The following SVEP1 variants were observed in gnomAD, a reference collection of about 807,000 sequenced individuals.
SVEP1 encodes sushi, von Willebrand factor type A, EGF and pentraxin domain-containing protein 1.
In SVEP1, 164 loss-of-function variants were observed where a neutral mutation model predicts 367.3. The ratio of observed to expected loss-of-function variants is 0.45; its 90% confidence interval spans 0.39 to 0.51. The LOEUF (loss-of-function observed/expected upper bound fraction) is 0.51. Among genes scored for constraint, SVEP1 ranks in the 20% least tolerant of loss-of-function variants. The probability of loss-of-function intolerance (pLI) is 0.00; values close to 1 mark genes in which losing one functional copy is unlikely to be tolerated. For synonymous variants in SVEP1, 1,666 were observed against 1,611.6 expected, an observed-to-expected ratio of 1.03 and a Z score of -0.81; for missense variants, 4,117 against 4,425.3, an observed-to-expected ratio of 0.93 and a Z score of 1.98.
At chr9:110,530,637 A>G (rs914778340) in intron 3 of SVEP1, among the ~76,000 whole-genome samples, 2 of 152,056 alleles carry the variant, frequency 1.3e-5, no homozygotes, top group East Asian at 1.9e-4. Flanking sequence ...CCTGGGTTCA[A>G]GTGATTCTCC....
In SVEP1 at chr9:110,407,647, A is replaced by C; in HGVS notation, c.7953T>G (p.Pro2651=). ...TTTTAGCCACTGCTCCCAAATGATA[A>C]GGAGGGTGAGGAGTCACATATGGAA... ...MEVPYVTPHP[P]YHLGAVAKTW... is the part of the protein sequence containing the mutation. Residue 2651 remains proline (P), a synonymous_variant, in exon 38 of 48, where the codon CCT becomes CCG. Transcript: ENST00000374469. The C allele has an allele frequency of 6.2e-7, 1 of 1,614,016 alleles. No homozygotes were observed. Among genetic ancestry groups the C allele is most frequent in the South Asian group, 1.1e-5 (1 of 91,078 alleles).
intron 1 of SVEP1, among the ~76,000 whole-genome samples, chr9:110,559,745 T>G (rs1830400793): frequency 6.6e-6 from 1 of 152,018 alleles, no homozygotes; most frequent in East Asian, 1.9e-4. Flanking sequence ...CACAAAATGA[T>G]CAAAAGGATG....
rs752314933 is a variant in SVEP1, at chr9:110,469,022, T to C, written c.3078A>G (p.Glu1026=). Residue 1026 remains glutamate (E), a synonymous_variant, in exon 17 of 48, where the codon GAA becomes GAG. Transcript: ENST00000374469. ...AAAGCTTGCACTCAAGTTGCCCTTC[T>C]TCATCTTGATAGGATCCGATCCGGC... is the stretch of plus-strand genomic sequence containing the variant. ...ESCRIGSYQD[E]EGQLECKLCP... is the part of the protein sequence containing the mutation. 3.1e-6 allele frequency: 5 copies of C among 1,613,816 alleles called. No homozygotes were observed. Among genetic ancestry groups the C allele is most frequent in the East Asian group, 4.5e-5 (2 of 44,890 alleles).
chr9:110,454,611 C>A (rs769990302), intron 22 of SVEP1, among the ~76,000 whole-genome samples: 1 of 152,122 alleles, frequency 6.6e-6, no homozygotes, highest in Non-Finnish European at 1.5e-5. Context: ...TATACATCAT[C>A]GAATATTATG....
chr9:110,405,371 A>G (rs1002878704), intron 38 of SVEP1, among the ~76,000 whole-genome samples: 7 of 151,850 alleles, frequency 4.6e-5, no homozygotes, highest in Non-Finnish European at 7.4e-5. Flanking sequence ...ATTCATATGT[A>G]TTATGAATAC....
intron 3 of SVEP1, among the ~76,000 whole-genome samples, chr9:110,528,168 A>ATATATATATG (rs1829969841): frequency 2.4e-5 from 3 of 126,868 alleles, no homozygotes; most frequent in Admixed American, 1.6e-4. Flanking sequence ...ATATATATAT[A>ATATATATATG]TATATATATA....
chr9:110,540,645 T>C (rs1830133042), intron 3 of SVEP1, among the ~76,000 whole-genome samples: 3 of 152,126 alleles, frequency 2.0e-5, no homozygotes, highest in African/African-American at 4.8e-5. Flanking sequence ...AACTAATTCA[T>C]TGAAGTTTTG....
chr9:110,565,251 A>G (rs916809083), intron 1 of SVEP1, among the ~76,000 whole-genome samples: 2 of 152,228 alleles, frequency 1.3e-5, no homozygotes, highest in East Asian at 1.9e-4. Context: ...TAGCTGGAAG[A>G]CCAAGTCTTG....
intron 41 of SVEP1, among the ~76,000 whole-genome samples, chr9:110,388,634 C>T (rs1392085817): frequency 3.3e-5 from 5 of 152,046 alleles, no homozygotes; most frequent in Admixed American, 1.3e-4. Flanking sequence ...CAGATCTTAA[C>T]CTTGGCTGCA....
At chr9:110,481,219 T>C (rs774165026) in intron 12 of SVEP1, 23 bp downstream of exon 12, 296 of 1,463,940 alleles carry the variant, frequency 2.0e-4, no homozygotes, top group Middle Eastern at 1.1e-3. Context: ...ATTAAAGAAG[T>C]CTAGAATAAA....
intron 43 of SVEP1, among the ~76,000 whole-genome samples, chr9:110,381,497 G>A (rs1201665891): frequency 1.3e-5 from 2 of 152,110 alleles, no homozygotes; most frequent in African/African-American, 4.8e-5. Context: ...ACGTAGTTGT[G>A]TGGTTTTGAG....
chr9:110,370,533 G>C (rs1241133013), intron 46 of SVEP1, among the ~76,000 whole-genome samples: 3 of 152,114 alleles, frequency 2.0e-5, no homozygotes, highest in African/African-American at 7.2e-5. Flanking sequence ...TAAAATAACA[G>C]ATGATTCAAC....
intron 36 of SVEP1, among the ~76,000 whole-genome samples, chr9:110,414,769 C>T: frequency 6.6e-6 from 1 of 151,646 alleles, no homozygotes; most frequent in East Asian, 1.9e-4. Flanking sequence ...GCAAAAAAGC[C>T]TTAAAAGAGC....
chr9:110,458,630 A>G (rs1303752130), intron 19 of SVEP1, 68 bp from the exon 20 acceptor site: 3 of 1,424,308 alleles, frequency 2.1e-6, no homozygotes, highest in South Asian at 1.3e-5. Context: ...ATCTAACACT[A>G]TGGTCAAGAT....
chr9:110,439,524 G>T (rs1036426176), intron 27 of SVEP1, among the ~76,000 whole-genome samples: 1 of 151,934 alleles, frequency 6.6e-6, no homozygotes, highest in African/African-American at 2.4e-5. Flanking sequence ...CTCCCGAGTA[G>T]CTGGGATTAC....
At chr9:110,568,143 C>A (rs1359361934) in intron 1 of SVEP1, among the ~76,000 whole-genome samples, 1 of 152,178 alleles carries the variant, frequency 6.6e-6, no homozygotes, top group Non-Finnish European at 1.5e-5. Context: ...AGGACCACCT[C>A]CCAGATAAGC....
rs1830670581 is a variant in SVEP1, at chr9:110,579,641, T to C, written c.-98A>G. 3 of 1,374,620 alleles carry C rather than the reference T, an allele frequency of 2.2e-6. No individual in the cohort carries two copies. The highest frequency in any genetic ancestry group is 2.8e-6 in the Non-Finnish European group (3 of 1,059,888). The allele number at this position is 1,374,620 out of a possible 1,614,324, so 85.2% of individuals were successfully genotyped here. A position where few individuals can be genotyped will look rare whatever the true frequency, so the allele number is the denominator to read the frequency against. ...ACTCGCAGAGGGGCGTGCGCGGAGC[T>C]GGGCGCGGGGCAGCGGCCAAGAGCC... On this transcript the variant is annotated 5_prime_UTR_variant, in exon 1 of 48. Coordinates refer to ENST00000374469, the MANE Select transcript of SVEP1 (RefSeq NM_153366.4). The surrounding 1 kb of genome is among the most constrained non-coding windows in gnomAD (Gnocchi z 5.3).
intron 43 of SVEP1, among the ~76,000 whole-genome samples, chr9:110,381,562 G>T (rs574467179): frequency 6.6e-6 from 1 of 152,296 alleles, no homozygotes; most frequent in South Asian, 2.1e-4. Context: ...GAGAATGTTT[G>T]TTATGATTTC....
intron 5 of SVEP1, among the ~76,000 whole-genome samples, chr9:110,508,780 AAAAG>A (rs1205634811): frequency 7.0e-6 from 1 of 143,616 alleles, no homozygotes; most frequent in Admixed American, 7.1e-5. Flanking sequence ...AAAAAAAAAA[AAAAG>A]AAAGAAAGAA....
Sources: gnomAD v4.1 joint callset for allele counts (sites outside exome capture counted in the v4.1 genomes callset) on GRCh38, gnomAD v4.1.1 for gene constraint, Gnocchi (gnomAD v3.1) non-coding constraint, MANE v1.5 for transcripts, NCBI Gene and HGNC (gene_info 2026-07-23, HGNC 2026-07-21) for gene names.